BCL9L: variants seen among roughly 807,000 people sequenced by gnomAD.
BCL9L encodes the protein BCL9 like.
BCL9L carries 19 observed loss-of-function variants against 99.4 expected under a neutral mutation model. The ratio of observed to expected loss-of-function variants is 0.19; its 90% CI spans 0.13 to 0.28. The LOEUF (loss-of-function observed/expected upper bound fraction) is 0.28. Ranked by LOEUF, BCL9L falls within the 10% of genes least tolerant of loss-of-function variation. BCL9L has a pLI of 1.00. For synonymous variants in BCL9L, 900 were observed against 854.8 expected, an observed-to-expected ratio of 1.05 and a Z score of -0.92; for missense variants, 2,023 against 2,101.6, an observed-to-expected ratio of 0.96 and a Z score of 0.73.
chr11:118,917,095 A>C (rs989392644), intron 2 of BCL9L, among the ~76,000 whole-genome samples: 10 of 152,150 alleles, frequency 6.6e-5, no homozygotes, highest in Admixed American at 5.9e-4. Flanking sequence ...GCAAACTTGC[A>C]ATCAAGAAGT....
intron 3 of BCL9L, among the ~76,000 whole-genome samples, chr11:118,909,372 C>G (rs546827398): frequency 1.3e-5 from 2 of 152,344 alleles, no homozygotes; most frequent in Non-Finnish European, 2.9e-5. Context: ...CCGCCTCCCC[C>G]TCCCCGGAGA....
Position 118,900,747 on chromosome 11 carries a change from G to C in BCL9L, c.2996C>G (p.Ser999Cys), listed in dbSNP as rs774172256. ...CCAGCCTGGAGAAGGCACCGCCATGGAAGGAGACTTGAGCCTGCTGGGCGA... is the reference window on the plus strand; with the variant it reads ...CCAGCCTGGAGAAGGCACCGCCATGCAAGGAGACTTGAGCCTGCTGGGCGA... Reference protein sequence around the residue: ...TGSPSRLKSPSMAVPSPGWVA... With the variant: ...TGSPSRLKSPCMAVPSPGWVA... Residue 999 changes from serine to cysteine, a missense_variant, in exon 8 of 10, where the codon TCC becomes TGC. Ser to Cys is a moderately radical substitution (Grantham distance 112). Coordinates refer to ENST00000683865, the MANE Select transcript of BCL9L (RefSeq NM_001378213.1). The surrounding 1 kb of genome is among the most constrained non-coding windows in gnomAD (Gnocchi z 5.3). 8.1e-6 allele frequency: 13 copies of C among 1,613,866 alleles called. No individual in the cohort carries two copies. The highest frequency in any genetic ancestry group is 1.1e-5 in the Non-Finnish European group (13 of 1,179,996).
In BCL9L at chr11:118,897,164, T is replaced by G. The variant is rs754031623; in HGVS notation, c.*1251A>C. 6.5e-6 allele frequency: 1 copy of G among 153,654 alleles called. No homozygotes were observed. Among genetic ancestry groups the G allele is most frequent in the Non-Finnish European group, 1.5e-5 (1 of 68,748 alleles). 9.5% of individuals were successfully genotyped at this position (153,654 alleles called of 1,614,324 possible). ...AGTGGAGACTGGAGGGGAGGTGCAC[T>G]GACTCAGATGAACTGTTCTCCCCCT... On this transcript the variant is annotated 3_prime_UTR_variant, in exon 10 of 10. Transcript: ENST00000683865.
intron 5 of BCL9L, among the ~76,000 whole-genome samples, chr11:118,904,086 C>G (rs564932350): frequency 6.6e-6 from 1 of 152,234 alleles, no homozygotes; most frequent in South Asian, 2.1e-4. Flanking sequence ...GGGGGCAGGC[C>G]AAAGAAATAT....
rs202069440 is a variant in BCL9L at position 118,897,842 on chromosome 11, C to G, written c.*573G>C. ...CAAAAGCGCAGCGCTCTATTTACAG[C>G]TCCGGCTGGCACCTGCCCACCTGGC... On this transcript the variant is annotated 3_prime_UTR_variant, in exon 10 of 10. Coordinates refer to ENST00000683865, the MANE Select transcript of BCL9L (RefSeq NM_001378213.1). The G allele has an allele frequency of 1.1e-3, 505 of 456,792 alleles. 2 individuals are homozygous for G. Among genetic ancestry groups the G allele is most frequent in the Admixed American group, 2.1e-3 (90 of 42,570 alleles). 28.3% of individuals were successfully genotyped at this position (456,792 alleles called of 1,614,324 possible).
At chr11:118,917,364 C>T (rs1293646343) in intron 2 of BCL9L, among the ~76,000 whole-genome samples, 3 of 152,218 alleles carry the variant, frequency 2.0e-5, no homozygotes, top group Admixed American at 6.5e-5. Context: ...AAATGCTTCA[C>T]GTGCATCCTC....
chr11:118,915,761 C>T (rs941978316), intron 2 of BCL9L, among the ~76,000 whole-genome samples: 2 of 152,300 alleles, frequency 1.3e-5, no homozygotes, highest in African/African-American at 4.8e-5. Context: ...AAAGCTTAAG[C>T]CTACTCTCTT....
rs1423957476 is a variant in BCL9L at position 118,898,598 on chromosome 11, C to T, written c.4317G>A (p.Arg1439=). 1.2e-6 allele frequency: 2 copies of T among 1,611,948 alleles called. No homozygotes were observed. The highest frequency in any genetic ancestry group is 2.2e-5 in the East Asian group (1 of 44,866). Residue 1439 remains arginine (R), a synonymous_variant, in exon 10 of 10, where the codon CGG becomes CGA. Transcript: ENST00000683865. ...TQQNFMLMKQ[R]GVGGEVYSQP... ...GGCTGTAGACCTCGCCCCCCACGCCCCGCTGCTTCATCAGCATGAAATTCT... is the reference window on the plus strand; with the variant it reads ...GGCTGTAGACCTCGCCCCCCACGCCTCGCTGCTTCATCAGCATGAAATTCT...
chr11:118,897,757 C>T lies in BCL9L; in HGVS notation c.*658G>A, dbSNP rs1369451256. ...GAAGGGGGGAAGGGTTTCTTTTATC[C>T]TTTTTTTTTTGTGTGACTTCTATCA... is the stretch of plus-strand genomic sequence containing the variant. On this transcript the variant is annotated 3_prime_UTR_variant, in exon 10 of 10. Coordinates refer to ENST00000683865, the MANE Select transcript of BCL9L (RefSeq NM_001378213.1). 4.8e-6 allele frequency: 2 copies of T among 415,232 alleles called. No homozygotes were observed. Among genetic ancestry groups the T allele is most frequent in the Non-Finnish European group, 4.8e-6 (1 of 208,310 alleles). 25.7% of individuals were successfully genotyped at this position (415,232 alleles called of 1,614,324 possible).
Position 118,909,797 on chromosome 11 carries a change from C to G in BCL9L, c.26+117G>C, listed in dbSNP as rs533524117. 1.0e-4 allele frequency: 156 copies of G among 1,530,180 alleles called. No homozygotes were observed. In the African/African-American group the frequency reaches 1.9e-3, roughly 19 times the overall value. 94.8% of individuals were successfully genotyped at this position (1,530,180 alleles called of 1,614,324 possible). On this transcript the variant is annotated intron_variant, in intron 3 of 9. Coordinates refer to ENST00000683865, the MANE Select transcript of BCL9L (RefSeq NM_001378213.1). ...CTTTAGCCCACTGGTGGCCTGGGAG[C>G]CAGGTGCCCAGGGCGGCTCCTCTCC...
rs1299926492 is a variant in BCL9L at position 118,898,855 on chromosome 11, G to A, written c.4060C>T (p.Pro1354Ser). 1.2e-6 allele frequency: 2 copies of A among 1,614,112 alleles called. No homozygotes were observed. Among genetic ancestry groups the A allele is most frequent in the East Asian group, 2.2e-5 (1 of 44,886 alleles). Residue 1354 changes from proline to serine, a missense_variant, in exon 10 of 10, where the codon CCC becomes TCC. Coordinates refer to ENST00000683865, the MANE Select transcript of BCL9L (RefSeq NM_001378213.1). ...KSENQPPKAQ[P>S]PNLHLMNLQN... The stretch of plus-strand genomic sequence containing the variant: ...AGGTTCATGAGATGCAGATTAGGGG[G>A]CTGAGCCTTGGGGGGCTGGTTCTCG...
chr11:118,900,017 G>T lies in BCL9L; in HGVS notation c.3306C>A (p.Leu1102=). ...SKYAMPSSTP[L]YHNAIKTIAT... is the part of the protein sequence containing the mutation. ...CGATGGTCTTGATGGCATTGTGGTAGAGCGGGGTGGAGCTGGGCATGGCGT... is the reference window on the plus strand; with the variant it reads ...CGATGGTCTTGATGGCATTGTGGTATAGCGGGGTGGAGCTGGGCATGGCGT... The change falls in exon 9 of 10, where the codon CTC becomes CTA. Residue 1102 remains leucine (L), a synonymous_variant. Coordinates refer to ENST00000683865, the MANE Select transcript of BCL9L (RefSeq NM_001378213.1). The surrounding 1 kb of genome is among the most constrained non-coding windows in gnomAD (Gnocchi z 5.3). 6.2e-7 allele frequency: 1 copy of T among 1,614,098 alleles called. No individual in the cohort carries two copies. The highest frequency in any genetic ancestry group is 8.5e-7 in the Non-Finnish European group (1 of 1,180,002).
Position 118,900,605 on chromosome 11 carries a change from C to CCTGCG in BCL9L, c.3124+13_3124+14insCGCAG, listed in dbSNP as rs1555173244. Reference sequence around the variant, plus strand: ...GCCTGCCTGCCTGCCTGCCTGCCTGCGCAATTGACTCACCCTGTTCCATGT... The same window carrying CCTGCG: ...GCCTGCCTGCCTGCCTGCCTGCCTGCCTGCGGCAATTGACTCACCCTGTTCCATGT... On this transcript the variant is annotated intron_variant, in intron 8 of 9. Transcript: ENST00000683865. The surrounding 1 kb of genome is among the most constrained non-coding windows in gnomAD (Gnocchi z 5.3). 2.5e-5 allele frequency: 39 copies of CCTGCG among 1,587,252 alleles called. No individual in the cohort carries two copies. In the African/African-American group the frequency reaches 4.7e-4, roughly 19 times the overall value.
chr11:118,902,580 T>C lies in BCL9L; in HGVS notation c.1163A>G (p.Asn388Ser), dbSNP rs762003726. 4 of 1,600,626 alleles carry C rather than the reference T, an allele frequency of 2.5e-6. No individual in the cohort carries two copies. The African/African-American group carries it at 4.0e-5, about 16-fold the overall frequency. ...TGAGCCCACCAGGCTGCGCTGCCCA[T>C]TTCCAGGGGCGGCTGCCTCCCCCAG... ...ALLGEAAAPG[N>S]GQRSLVGSEG... The change falls in exon 8 of 10, where the codon AAT becomes AGT. Residue 388 changes from asparagine (N) to serine (S), a missense_variant. Transcript: ENST00000683865. The surrounding 1 kb of genome is among the most constrained non-coding windows in gnomAD (Gnocchi z 7.8).
Position 118,896,307 on chromosome 11 carries a change from T to C in BCL9L, c.*2108A>G, listed in dbSNP as rs1353952858. The C allele has an allele frequency of 6.3e-6, 1 of 157,890 alleles. No homozygotes were observed. The highest frequency in any genetic ancestry group is 2.4e-5 in the African/African-American group (1 of 41,324). The allele number at this position is 157,890 out of a possible 1,614,324, so 9.8% of individuals were successfully genotyped here. A position where few individuals can be genotyped will look rare whatever the true frequency, so the allele number is the denominator to read the frequency against. On this transcript the variant is annotated 3_prime_UTR_variant, in exon 10 of 10. Transcript: ENST00000683865. ...TATATTTATATATATATTTATATAATGGTACAAAATGGCTGGGGGTGTGGC... is the reference window on the plus strand; with the variant it reads ...TATATTTATATATATATTTATATAACGGTACAAAATGGCTGGGGGTGTGGC...
Position 118,921,636 on chromosome 11 carries a change from A to G in BCL9L, c.-130-2757T>C, listed in dbSNP as rs1477702571. ...ATAAAACACCAGGGTTAGGAGGGGG[A>G]CCAGTCCAGGGCCAAGCAGGGAGGG... On this transcript the variant is annotated intron_variant, in intron 1 of 9. Transcript: ENST00000683865. The surrounding 1 kb of genome is among the most constrained non-coding windows in gnomAD (Gnocchi z 5.4). Among the ~76,000 whole-genome samples, 1 of 152,010 alleles carries G rather than the reference A, an allele frequency of 6.6e-6. No homozygotes were observed. Among genetic ancestry groups the G allele is most frequent in the Non-Finnish European group, 1.5e-5 (1 of 67,978 alleles).
chr11:118,900,315 G>C lies in BCL9L; in HGVS notation c.3125-117C>G. The stretch of plus-strand genomic sequence containing the variant: ...GTTCCCCAAATCACCTGGTCCTTCA[G>C]ACACACCCACAGGCCCCCACTATCT... On this transcript the variant is annotated intron_variant, in intron 8 of 9. Transcript: ENST00000683865. This position sits in a 1 kb window ranked among gnomAD's most constrained non-coding sequence, Gnocchi z 5.3. The C allele has an allele frequency of 8.0e-7, 1 of 1,243,192 alleles. No homozygotes were observed. The highest frequency in any genetic ancestry group is 1.6e-5 in the South Asian group (1 of 64,204). 77.0% of individuals were successfully genotyped at this position (1,243,192 alleles called of 1,614,324 possible). A position where few individuals can be genotyped will look rare whatever the true frequency, so the allele number is the denominator to read the frequency against.
At position 118,897,757 on chromosome 11, in the gene BCL9L, C is replaced by CTT. The variant is rs35636302; in HGVS notation, c.*656_*657dup. Reference sequence around the variant, plus strand: ...GAAGGGGGGAAGGGTTTCTTTTATCCTTTTTTTTTTGTGTGACTTCTATCA... The same window carrying CTT: ...GAAGGGGGGAAGGGTTTCTTTTATCCTTTTTTTTTTTTGTGTGACTTCTATCA... On this transcript the variant is annotated 3_prime_UTR_variant, in exon 10 of 10. Transcript: ENST00000683865. The CTT allele has an allele frequency of 8.2e-4, 337 of 413,382 alleles. No homozygotes were observed. The highest frequency in any genetic ancestry group is 3.5e-3 in the Admixed American group (130 of 37,184). 25.6% of individuals were successfully genotyped at this position (413,382 alleles called of 1,614,324 possible).
intron 2 of BCL9L, among the ~76,000 whole-genome samples, chr11:118,913,695 G>A (rs1046412179): frequency 2.1e-4 from 8 of 37,982 alleles, no homozygotes; most frequent in Non-Finnish European, 4.6e-4. Context: ...CACCCCACCC[G>A]CCCAAGGCTC....
Sources: gnomAD v4.1 joint callset for allele counts (sites outside exome capture counted in the v4.1 genomes callset) on GRCh38, gnomAD v4.1.1 for gene constraint, Gnocchi (gnomAD v3.1) non-coding constraint, MANE v1.5 for transcripts, NCBI Gene and HGNC (gene_info 2026-07-23, HGNC 2026-07-21) for gene names.